ZNF85: variants seen among roughly 807,000 people sequenced by gnomAD.
ZNF85 encodes the protein zinc finger protein 85 (HPF4, HTF1).
In ZNF85, 50 loss-of-function variants were observed where a neutral mutation model predicts 53.9. That is an observed-to-expected ratio of 0.93 (90% CI 0.74 to 1.17). ZNF85 has a LOEUF of 1.17. ZNF85 is among the 50% of genes most tolerant of loss of function. The pLI is 0.00. For missense variants in ZNF85, 747 were observed against 688.5 expected (o/e 1.08, Z -0.95); for synonymous variants, 225 against 226.1 (o/e 1.00, Z 0.04).
Position 20,949,254 on chromosome 19 carries a change from A to G in ZNF85, c.740A>G (p.Lys247Arg). ...TTTAACCAGTCCTCAAACCTTATTA[A>G]ACATAAGAAAATTCATACTGGAGAG... Reference protein sequence around the residue: ...KAFNQSSNLIKHKKIHTGEKP... With the variant: ...KAFNQSSNLIRHKKIHTGEKP... The change falls in exon 4 of 4, where the codon AAA (lysine) becomes AGA (arginine). Residue 247 changes from lysine (K) to arginine (R), a missense_variant. Lys to Arg is a conservative substitution (Grantham distance 26, BLOSUM62 2). Transcript: ENST00000328178. 1 of 1,612,236 alleles carries G rather than the reference A, an allele frequency of 6.2e-7. No individual in the cohort carries two copies.
chr19:20,947,990 T>A (rs570319901), intron 3 of ZNF85, among the ~76,000 whole-genome samples: 4 of 152,086 alleles, frequency 2.6e-5, no homozygotes, highest in Non-Finnish European at 5.9e-5. Flanking sequence ...TTTTTATATG[T>A]TGTAATCTTT....
chr19:20,934,327 T>G (rs111489578), intron 2 of ZNF85, among the ~76,000 whole-genome samples, 177 bp downstream of exon 2: 1,807 of 152,294 alleles, frequency 0.012, 32 homozygotes, highest in African/African-American at 0.034. Context: ...TGTTTCATTT[T>G]GACCTTAACT....
intron 3 of ZNF85, among the ~76,000 whole-genome samples, chr19:20,938,878 ATATATATG>A (rs1568550954): frequency 0.013 from 1,814 of 142,238 alleles, 35 homozygotes; most frequent in African/African-American, 0.038. Flanking sequence ...GTGTGTGTGT[ATATATATG>A]TGTGTGTGTG....
rs753036555 is a variant in ZNF85 at position 20,950,207 on chromosome 19, C to G, written c.1693C>G (p.Pro565Ala). The change falls in exon 4 of 4, where the codon CCT becomes GCT. Residue 565 changes from proline to alanine, a missense_variant. Physicochemically the swap from Pro to Ala is conservative, Grantham distance 27. Coordinates refer to ENST00000328178, the MANE Select transcript of ZNF85 (RefSeq NM_003429.5). ...TAAGAGAATTCATACTGGAGAAAAA[C>G]CTTACAAATGTGAAGAATGTGACAA... ...KHKRIHTGEK[P>A]YKCEECDKAF... is the part of the protein sequence containing the mutation. The G allele has an allele frequency of 6.2e-7, 1 of 1,611,774 alleles. No individual in the cohort carries two copies. Among genetic ancestry groups the G allele is most frequent in the Non-Finnish European group, 8.5e-7 (1 of 1,179,220 alleles).
Position 20,934,962 on chromosome 19 carries a change from T to C in ZNF85, c.144T>C (p.Ser48=). The change falls in exon 3 of 4, where the codon TCT becomes TCC. Residue 48 remains serine (S), a synonymous_variant. Transcript: ENST00000328178. ...TTAATAAAACAGGTATTACTGTTTC[T>C]AAGCCAGACCTGATCACTTGTCTGG... ...RNLVFLGITV[S]KPDLITCLEQ... 6.2e-7 allele frequency: 1 copy of C among 1,607,464 alleles called. No individual in the cohort carries two copies. The highest frequency in any genetic ancestry group is 8.5e-7 in the Non-Finnish European group (1 of 1,177,014).
chr19:20,925,593 C>CA (rs903002678), intron 1 of ZNF85, among the ~76,000 whole-genome samples: 22 of 151,220 alleles, frequency 1.5e-4, no homozygotes, highest in Middle Eastern at 3.4e-3. Context: ...TCCCAAAAGA[C>CA]AAAAAAAAGG....
intron 1 of ZNF85, among the ~76,000 whole-genome samples, chr19:20,933,504 A>C (rs1973076657): frequency 6.6e-6 from 1 of 152,086 alleles, no homozygotes. Context: ...CTTGGCCAAA[A>C]ACATTAACCT....
In ZNF85 at chr19:20,934,280, T is replaced by C. The variant is rs113895266; in HGVS notation, c.130+130T>C. 5,779 of 1,266,656 alleles carry C rather than the reference T, an allele frequency of 4.6e-3. 92 individuals carry two copies. The highest frequency in any genetic ancestry group is 0.034 in the African/African-American group (2,232 of 66,028). The allele number at this position is 1,266,656 out of a possible 1,614,324, so 78.5% of individuals were successfully genotyped here. ...CAGATCCCTGTTTTCAAGAAAATCTTGGGGATTAATACATGTAGAAAAGAA... is the reference window on the plus strand; with the variant it reads ...CAGATCCCTGTTTTCAAGAAAATCTCGGGGATTAATACATGTAGAAAAGAA... On this transcript the variant is annotated intron_variant, in intron 2 of 3. Transcript: ENST00000328178.
At chr19:20,926,278 T>C (rs1160461254) in intron 1 of ZNF85, among the ~76,000 whole-genome samples, 1 of 152,210 alleles carries the variant, frequency 6.6e-6, no homozygotes, top group Non-Finnish European at 1.5e-5. Flanking sequence ...GATTTTTAAG[T>C]TTCATGATAA....
At chr19:20,937,573 G>T (rs950447278) in intron 3 of ZNF85, among the ~76,000 whole-genome samples, 23 of 152,180 alleles carry the variant, frequency 1.5e-4, no homozygotes, top group Non-Finnish European at 2.8e-4. Flanking sequence ...GCAGACACTA[G>T]GGCAGGTTTC....
intron 1 of ZNF85, among the ~76,000 whole-genome samples, chr19:20,926,462 A>G (rs924381978): frequency 4.6e-5 from 7 of 152,128 alleles, no homozygotes; most frequent in African/African-American, 1.7e-4. Flanking sequence ...CTTTTTTTAT[A>G]TGAACACTGT....
intron 3 of ZNF85, among the ~76,000 whole-genome samples, chr19:20,946,730 G>T (rs550349411): frequency 6.5e-4 from 98 of 151,802 alleles, no homozygotes; most frequent in African/African-American, 2.3e-3. Flanking sequence ...CTTAAGATGT[G>T]TTGTGTAATA....
chr19:20,946,757 T>C (rs185607692), intron 3 of ZNF85, among the ~76,000 whole-genome samples: 1 of 152,174 alleles, frequency 6.6e-6, no homozygotes, highest in East Asian at 1.9e-4. Flanking sequence ...AGACCTCTTC[T>C]GCTCTCATTT....
chr19:20,941,742 C>A (rs867201424), intron 3 of ZNF85, among the ~76,000 whole-genome samples: 1 of 152,052 alleles, frequency 6.6e-6, no homozygotes, highest in Admixed American at 6.6e-5. Context: ...TAGCTATTTC[C>A]TAGGAGGCAT....
At chr19:20,930,063 G>A (rs971508992) in intron 1 of ZNF85, among the ~76,000 whole-genome samples, 4 of 147,740 alleles carry the variant, frequency 2.7e-5, no homozygotes, top group Non-Finnish European at 5.9e-5. Flanking sequence ...AGAGGTTACA[G>A]TGAGCTGAGA....
intron 3 of ZNF85, among the ~76,000 whole-genome samples, chr19:20,935,727 A>G (rs1973143013): frequency 6.8e-6 from 1 of 147,916 alleles, no homozygotes; most frequent in Admixed American, 6.7e-5. Context: ...GGCTCACCGC[A>G]ACCTCTGCCT....
chr19:20,934,522 C>G (rs1204262219), intron 2 of ZNF85, among the ~76,000 whole-genome samples: 1 of 152,160 alleles, frequency 6.6e-6, no homozygotes, highest in Admixed American at 6.5e-5. Flanking sequence ...GTAATCCCAG[C>G]ACTTCGGGAG....
At position 20,935,658 on chromosome 19, in the gene ZNF85, A is replaced by ATTTT. The variant is rs966936998; in HGVS notation, c.229+622_229+625dup. On this transcript the variant is annotated intron_variant, in intron 3 of 3. Coordinates refer to ENST00000328178, the MANE Select transcript of ZNF85 (RefSeq NM_003429.5). ...CATTACTGTAAAAGATGCCACTAGA[A>ATTTT]TTTTTTTTTTTTTTATTTCGCTCTT... Among the ~76,000 whole-genome samples, 948 of 145,778 alleles carry ATTTT rather than the reference A, an allele frequency of 6.5e-3. 15 individuals carry two copies. Among genetic ancestry groups the ATTTT allele is most frequent in the South Asian group, 0.03 (136 of 4,592 alleles).
At chr19:20,941,806 A>G (rs964386165) in intron 3 of ZNF85, among the ~76,000 whole-genome samples, 1 of 40,604 alleles carries the variant, frequency 2.5e-5, no homozygotes, top group African/African-American at 1.1e-4. Context: ...AGTGTAATGC[A>G]GTTAAATTTT....
Sources: allele counts gnomAD v4.1 joint callset (sites outside exome capture counted in the v4.1 genomes callset), GRCh38; gene constraint gnomAD v4.1.1; transcripts MANE v1.5; gene names NCBI Gene and HGNC (gene_info 2026-07-23, HGNC 2026-07-21).